DNAH7: variants seen among roughly 807,000 people sequenced by gnomAD.
The protein encoded by DNAH7 is dynein axonemal heavy chain 7.
DNAH7 carries 397 observed loss-of-function variants against 444.6 expected under a neutral mutation model. That is an observed-to-expected ratio of 0.89 (90% CI 0.82 to 0.97). The LOEUF (loss-of-function observed/expected upper bound fraction) is 0.97. DNAH7 is among the 50% of genes least tolerant of loss of function. The pLI is 0.00. For missense variants in DNAH7, 4,902 were observed against 4,800.8 expected, an observed-to-expected ratio of 1.02 and a Z score of -0.62; for synonymous variants, 1,636 against 1,624.4, an observed-to-expected ratio of 1.01 and a Z score of -0.17.
intron 16 of DNAH7, among the ~76,000 whole-genome samples, chr2:195,971,591 C>T (rs550838342): frequency 2.0e-5 from 3 of 151,966 alleles, no homozygotes; most frequent in Non-Finnish European, 2.9e-5. Context: ...ACATGTGGGG[C>T]GGGGGTGTGC....
At chr2:195,954,875 G>T (rs1690532006) in intron 19 of DNAH7, among the ~76,000 whole-genome samples, 1 of 152,114 alleles carries the variant, frequency 6.6e-6, no homozygotes, top group Non-Finnish European at 1.5e-5. Context: ...TGATGGGGTT[G>T]TTTTTTTCTT....
At chr2:196,005,301 A>T (rs894558953) in intron 10 of DNAH7, among the ~76,000 whole-genome samples, 7 of 149,558 alleles carry the variant, frequency 4.7e-5, no homozygotes, top group Non-Finnish European at 1.0e-4. Context: ...CAAACAAACA[A>T]ACAAAAATAT....
In DNAH7 at chr2:196,010,961, A is replaced by G. The variant is rs567050965; in HGVS notation, c.989+1826T>C. Among the ~76,000 whole-genome samples, 9 of 152,244 alleles carry G rather than the reference A, an allele frequency of 5.9e-5. No individual in the cohort carries two copies. The South Asian group carries it at 1.7e-3, about 28-fold the overall frequency. ...TGGAAGCTAAAAAAACATTGATGTCATGGAGGTTGTAAGTAGAATGGCGGT... is the reference window on the plus strand; with the variant it reads ...TGGAAGCTAAAAAAACATTGATGTCGTGGAGGTTGTAAGTAGAATGGCGGT... On this transcript the variant is annotated intron_variant, in intron 10 of 64. Coordinates refer to ENST00000312428, the MANE Select transcript of DNAH7 (RefSeq NM_018897.3).
chr2:195,786,621 C>T (rs549353275), intron 58 of DNAH7, among the ~76,000 whole-genome samples: 39 of 151,244 alleles, frequency 2.6e-4, no homozygotes, highest in African/African-American at 8.5e-4. Context: ...AATGGTATAA[C>T]GACATTTCCC....
At chr2:195,958,178 C>G (rs973979288) in intron 18 of DNAH7, among the ~76,000 whole-genome samples, 1 of 152,112 alleles carries the variant, frequency 6.6e-6, no homozygotes, top group African/African-American at 2.4e-5. Flanking sequence ...CCCTCTCCCC[C>G]TCTTCTGCTT....
chr2:195,824,226 A>G (rs1697604089), intron 49 of DNAH7, 29 bp downstream of exon 49: 3 of 1,575,864 alleles, frequency 1.9e-6, no homozygotes, highest in Non-Finnish European at 2.6e-6. Context: ...ACAAAATCTG[A>G]TAAAGAAACA....
intron 63 of DNAH7, among the ~76,000 whole-genome samples, chr2:195,745,412 C>A (rs1422598343): frequency 1.2e-4 from 19 of 152,152 alleles, no homozygotes; most frequent in Non-Finnish European, 2.6e-4. Context: ...GAGAATGGAA[C>A]CAAGTTGGAA....
rs771250095 is a variant in DNAH7, at chr2:196,019,156, C to T, written c.869+14G>A. 10 of 1,438,616 alleles carry T rather than the reference C, an allele frequency of 7.0e-6. No individual in the cohort carries two copies. The highest frequency in any genetic ancestry group is 4.3e-5 in the African/African-American group (3 of 69,884). The allele number at this position is 1,438,616 out of a possible 1,614,324, so 89.1% of individuals were successfully genotyped here. A position where few individuals can be genotyped will look rare whatever the true frequency, so the allele number is the denominator to read the frequency against. ...CTATATTTTAAAAACCTCTATAAGGCCACATATACTCACTTAAAATTAGTG... is the reference window on the plus strand; with the variant it reads ...CTATATTTTAAAAACCTCTATAAGGTCACATATACTCACTTAAAATTAGTG... On this transcript the variant is annotated intron_variant, in intron 9 of 64. Coordinates refer to ENST00000312428, the MANE Select transcript of DNAH7 (RefSeq NM_018897.3).
intron 55 of DNAH7, 132 bp from the exon 56 acceptor site, chr2:195,796,869 C>T: frequency 2.2e-6 from 2 of 906,668 alleles, no homozygotes; most frequent in Non-Finnish European, 3.2e-6. Flanking sequence ...CAAACACATG[C>T]ATCCCTAAAA....
In DNAH7 at chr2:196,012,793, A is replaced by G; in HGVS notation, c.983T>C (p.Leu328Pro). 2 of 1,599,396 alleles carry G rather than the reference A, an allele frequency of 1.3e-6. No homozygotes were observed. Among genetic ancestry groups the G allele is most frequent in the Non-Finnish European group, 1.7e-6 (2 of 1,173,662 alleles). Residue 328 changes from leucine to proline, a missense_variant, in exon 10 of 65, where the codon CTT (leucine) becomes CCT (proline). Coordinates refer to ENST00000312428, the MANE Select transcript of DNAH7 (RefSeq NM_018897.3). The stretch of plus-strand genomic sequence containing the variant: ...TGAAATTTCAAACCTTTACATTTTA[A>G]GTAGAGTCTCTTTGGCAGAGTCCAT... ...RHMDSAKETL[L>P]KMWFPEVQNI... is the part of the protein sequence containing the mutation.
At chr2:195,967,688 G>C (rs114674438) in intron 17 of DNAH7, among the ~76,000 whole-genome samples, 1 of 152,162 alleles carries the variant, frequency 6.6e-6, no homozygotes, top group East Asian at 1.9e-4. Flanking sequence ...GGCCTGTAAG[G>C]TTCCCACTGA....
chr2:195,978,506 AAAC>A (rs1265384069), intron 15 of DNAH7, among the ~76,000 whole-genome samples: 1 of 152,134 alleles, frequency 6.6e-6, no homozygotes, highest in Non-Finnish European at 1.5e-5. Context: ...GAAGACTGCA[AAAC>A]AACCAGAAAA....
At chr2:195,892,489 T>C (rs1430151445) in intron 30 of DNAH7, 2 of 152,130 alleles carry the variant, frequency 1.3e-5, no homozygotes, top group Non-Finnish European at 2.9e-5. Flanking sequence ...TTTTTTTTTT[T>C]TTTAATTAAC....
At chr2:195,768,335 A>G (rs1337934409) in intron 61 of DNAH7, among the ~76,000 whole-genome samples, 2 of 151,404 alleles carry the variant, frequency 1.3e-5, no homozygotes, top group Non-Finnish European at 3.0e-5. Flanking sequence ...ATTGAGTCAA[A>G]CAATACATAA....
intron 40 of DNAH7, among the ~76,000 whole-genome samples, chr2:195,869,090 G>A (rs1013103656): frequency 2.0e-5 from 3 of 151,890 alleles, no homozygotes; most frequent in Admixed American, 6.6e-5. Context: ...TTTGAATGGT[G>A]AGTAAAACAG....
intron 5 of DNAH7, among the ~76,000 whole-genome samples, chr2:196,040,462 G>T (rs927360822): frequency 6.6e-6 from 1 of 151,966 alleles, no homozygotes; most frequent in Non-Finnish European, 1.5e-5. Context: ...ATCAACCAAA[G>T]AAAGAGAAAC....
intron 45 of DNAH7, among the ~76,000 whole-genome samples, chr2:195,855,271 A>T (rs886393043): frequency 6.6e-6 from 1 of 152,146 alleles, no homozygotes; most frequent in Non-Finnish European, 1.5e-5. Context: ...TTAGCAGTTA[A>T]TTTTTCCAAA....
At chr2:195,940,297 T>A (rs1559249238) in intron 19 of DNAH7, among the ~76,000 whole-genome samples, 1 of 152,116 alleles carries the variant, frequency 6.6e-6, no homozygotes, top group Non-Finnish European at 1.5e-5. Flanking sequence ...TAACAAATGG[T>A]GCTGAGAAAA....
chr2:195,827,974 T>C (rs1697862442), intron 48 of DNAH7, among the ~76,000 whole-genome samples: 1 of 152,230 alleles, frequency 6.6e-6, no homozygotes, highest in South Asian at 2.1e-4. Flanking sequence ...GAATAGTATA[T>C]AATTGGTACT....
Sources: allele counts gnomAD v4.1 joint callset (sites outside exome capture counted in the v4.1 genomes callset), GRCh38; gene constraint gnomAD v4.1.1; transcripts MANE v1.5; gene names NCBI Gene and HGNC (gene_info 2026-07-23, HGNC 2026-07-21).